The following PLCE1 variants were observed in gnomAD, a reference collection of about 807,000 sequenced individuals.
The protein encoded by PLCE1 is phospholipase C epsilon 1, also known as 1-phosphatidylinositol 4,5-bisphosphate phosphodiesterase epsilon-1.
A neutral mutation model predicts 242.8 loss-of-function variants in PLCE1; 119 were observed. The observed-to-expected ratio is 0.49, with a 90% confidence interval of 0.42 to 0.57. The LOEUF is 0.57. Ranked by LOEUF, PLCE1 falls within the 20% of genes least tolerant of loss-of-function variation. PLCE1 has a pLI of 0.00. For synonymous variants in PLCE1, 945 were observed against 1,017.4 expected, an observed-to-expected ratio of 0.93 and a Z score of 1.35; for missense variants, 2,441 against 2,788.8, an observed-to-expected ratio of 0.88 and a Z score of 2.81.
intron 1 of PLCE1, among the ~76,000 whole-genome samples, chr10:94,003,765 G>A (rs2060979654): frequency 6.6e-6 from 1 of 152,050 alleles, no homozygotes. Flanking sequence ...GGGTAATTGG[G>A]GCTTGTGCTC....
rs1271611192 is a variant in PLCE1, at chr10:94,324,478, G to C, written c.6631G>C (p.Val2211Leu). ...KTTTPKSSQRVLLDQECVFQA... is the reference protein window; with the variant it reads ...KTTTPKSSQRLLLDQECVFQA... ...TACCACACCAAAGTCCTCTCAGCGG[G>C]TCCTTCTGGATCAGGAGTGTGTGTT... Residue 2211 changes from valine (V) to leucine (L), a missense_variant, in exon 31 of 33, where the codon GTC becomes CTC. By Grantham distance (32) the Val-to-Leu change is conservative. This residue lies in a region of PLCE1 where 310 missense variants were observed against 317.2 expected (regional missense o/e 0.98). Coordinates refer to ENST00000371380, the MANE Select transcript of PLCE1 (RefSeq NM_016341.4). 6.2e-7 allele frequency: 1 copy of C among 1,614,056 alleles called. No individual in the cohort carries two copies. The highest frequency in any genetic ancestry group is 8.5e-7 in the Non-Finnish European group (1 of 1,180,022).
At position 94,246,048 on chromosome 10, in the gene PLCE1, T is replaced by C. The variant is rs755520745; in HGVS notation, c.2523T>C (p.His841=). 1 of 1,613,966 alleles carries C rather than the reference T, an allele frequency of 6.2e-7. No individual in the cohort carries two copies. Among genetic ancestry groups the C allele is most frequent in the Admixed American group, 1.7e-5 (1 of 59,996 alleles). ...AGGACTCACAGAAGGCCTTCGACCATGGGACGGAGCTCATCCCTTGGTACG... is the reference window on the plus strand; with the variant it reads ...AGGACTCACAGAAGGCCTTCGACCACGGGACGGAGCTCATCCCTTGGTACG... The part of the protein sequence containing the change: ...GSEDSQKAFD[H]GTELIPWYVL... The change falls in exon 8 of 33, where the codon CAT becomes CAC. Residue 841 remains histidine (H), a synonymous_variant. Coordinates refer to ENST00000371380, the MANE Select transcript of PLCE1 (RefSeq NM_016341.4).
At chr10:94,171,888 A>G (rs912020314) in intron 4 of PLCE1, among the ~76,000 whole-genome samples, 1 of 152,042 alleles carries the variant, frequency 6.6e-6, no homozygotes, top group Non-Finnish European at 1.5e-5. Flanking sequence ...ACATTCGTAT[A>G]ACCAACCCCC....
chr10:94,255,914 A>ACACACACTCTCTCTCTCTCT (rs1284531207), intron 11 of PLCE1, among the ~76,000 whole-genome samples: 1 of 67,326 alleles, frequency 1.5e-5, no homozygotes, highest in African/African-American at 6.2e-5. Context: ...ACACACACAC[A>ACACACACTCTCTCTCTCTCT]CTCTCTCTCT....
In PLCE1 at chr10:94,255,314, C is replaced by A. The variant is rs571512056; in HGVS notation, c.3554+265C>A. 2.0e-5 allele frequency among the ~76,000 whole-genome samples: 3 copies of A among 152,274 alleles called. No homozygotes were observed. The East Asian group carries it at 5.8e-4, about 29-fold the overall frequency. On this transcript the variant is annotated intron_variant, in intron 11 of 32. Coordinates refer to ENST00000371380, the MANE Select transcript of PLCE1 (RefSeq NM_016341.4). ...TCTGTACTATCCAGTACACTAGCCA[C>A]TAACTAGATGTGGGTATTTAAATTC...
chr10:94,174,442 G>A (rs2048069452), intron 4 of PLCE1, among the ~76,000 whole-genome samples: 1 of 152,160 alleles, frequency 6.6e-6, no homozygotes, highest in South Asian at 2.1e-4. Flanking sequence ...GCAAAAGTAA[G>A]TTTGATGAGA....
chr10:94,275,800 A>G (rs2051930770), intron 19 of PLCE1, among the ~76,000 whole-genome samples: 1 of 152,080 alleles, frequency 6.6e-6, no homozygotes, highest in South Asian at 2.1e-4. Context: ...GTGCCACTGC[A>G]TACCAGTCTG....
At chr10:94,046,631 T>G (rs540825260) in intron 2 of PLCE1, among the ~76,000 whole-genome samples, 1 of 152,308 alleles carries the variant, frequency 6.6e-6, no homozygotes, top group African/African-American at 2.4e-5. Context: ...AAACACTATT[T>G]CTGACCCATT....
intron 22 of PLCE1, among the ~76,000 whole-genome samples, chr10:94,288,794 G>A (rs2052549512): frequency 6.6e-6 from 1 of 152,182 alleles, no homozygotes; most frequent in African/African-American, 2.4e-5. Context: ...GGAGAGCCTT[G>A]CAAGTGTCAG....
intron 22 of PLCE1, among the ~76,000 whole-genome samples, chr10:94,288,957 C>G (rs1305911825): frequency 6.6e-6 from 1 of 152,054 alleles, no homozygotes; most frequent in Non-Finnish European, 1.5e-5. Context: ...GTCCCTGGCA[C>G]TGAGAGTTGC....
At chr10:94,128,631 G>A (rs530131868) in intron 2 of PLCE1, among the ~76,000 whole-genome samples, 1 of 152,222 alleles carries the variant, frequency 6.6e-6, no homozygotes, top group East Asian at 1.9e-4. Flanking sequence ...TTTCTTGGAG[G>A]TGATTTGCAA....
intron 2 of PLCE1, among the ~76,000 whole-genome samples, chr10:94,073,121 C>G (rs1403533172): frequency 6.6e-6 from 1 of 152,126 alleles, no homozygotes; most frequent in Non-Finnish European, 1.5e-5. Context: ...CCCCAAACTT[C>G]CAGCATTTTC....
chr10:94,143,438 G>A (rs1422421726), intron 3 of PLCE1, among the ~76,000 whole-genome samples: 1 of 152,032 alleles, frequency 6.6e-6, no homozygotes. Context: ...TTTCTAAATT[G>A]TTTATTGTTT....
intron 1 of PLCE1, among the ~76,000 whole-genome samples, chr10:94,028,810 G>A (rs1271029239): frequency 6.6e-6 from 1 of 152,010 alleles, no homozygotes; most frequent in Non-Finnish European, 1.5e-5. Flanking sequence ...TTAGCCAAGC[G>A]CAGTGCTATA....
chr10:94,257,164 C>G (rs1379574644), intron 11 of PLCE1, among the ~76,000 whole-genome samples: 3 of 152,160 alleles, frequency 2.0e-5, no homozygotes, highest in Admixed American at 2.0e-4. Context: ...AATGTCAGCA[C>G]AAATTAATTT....
At chr10:94,164,897 C>T (rs1005023467) in intron 3 of PLCE1, among the ~76,000 whole-genome samples, 1 of 152,212 alleles carries the variant, frequency 6.6e-6, no homozygotes, top group Non-Finnish European at 1.5e-5. Flanking sequence ...TGCTGGAGGT[C>T]CACTCTGGAC....
At chr10:94,179,483 C>A (rs2048225345) in intron 4 of PLCE1, among the ~76,000 whole-genome samples, 1 of 122,652 alleles carries the variant, frequency 8.2e-6, no homozygotes, top group Non-Finnish European at 1.8e-5. Flanking sequence ...CCTAACCCTT[C>A]ATCTTTATCT....
At chr10:94,308,996 C>G (rs1171943522) in intron 27 of PLCE1, among the ~76,000 whole-genome samples, 1 of 152,146 alleles carries the variant, frequency 6.6e-6, no homozygotes. Flanking sequence ...GGATTTACAC[C>G]CAAGTTCCAG....
intron 2 of PLCE1, among the ~76,000 whole-genome samples, chr10:94,113,271 T>TA (rs11358009): frequency 2.1e-4 from 31 of 144,318 alleles, no homozygotes; most frequent in East Asian, 8.0e-4. Context: ...AAGCTGCTGT[T>TA]AAAAAAAAAA....
Sources: allele counts gnomAD v4.1 joint callset (sites outside exome capture counted in the v4.1 genomes callset), GRCh38; gene constraint gnomAD v4.1.1; regional missense constraint gnomAD v4.1.1; transcripts MANE v1.5; gene names NCBI Gene and HGNC (gene_info 2026-07-23, HGNC 2026-07-21).